Variants in ADAMTS20 observed in about 807,000 individuals in gnomAD.
ADAMTS20 encodes the protein A disintegrin and metalloproteinase with thrombospondin motifs 20.
In ADAMTS20, 225 loss-of-function variants were observed where a neutral mutation model predicts 260.1. That is an observed-to-expected ratio of 0.87 (90% CI 0.78 to 0.97). The LOEUF (loss-of-function observed/expected upper bound fraction) is 0.97, where lower values mean the gene tolerates loss of function less well. Among genes scored for constraint, ADAMTS20 ranks in the 50% least tolerant of loss-of-function variants. The pLI, the probability that ADAMTS20 is intolerant of heterozygous loss-of-function variation, is 0.00. For missense variants in ADAMTS20, 2,400 were observed against 2,337.7 expected (o/e 1.03, Z -0.55); for synonymous variants, 802 against 769.5 (o/e 1.04, Z -0.70).
chr12:43,531,313 T>C (rs1009326518), intron 3 of ADAMTS20, among the ~76,000 whole-genome samples: 6 of 151,548 alleles, frequency 4.0e-5, no homozygotes, highest in African/African-American at 1.5e-4. Flanking sequence ...GGTTCAGGAA[T>C]TTTTTTTTCA....
chr12:43,435,973 T>C (rs1393861068), intron 18 of ADAMTS20, among the ~76,000 whole-genome samples: 1 of 152,192 alleles, frequency 6.6e-6, no homozygotes, highest in East Asian at 1.9e-4. Context: ...AGTTCAACTT[T>C]GTGCTTCCAG....
intron 4 of ADAMTS20, among the ~76,000 whole-genome samples, chr12:43,499,041 C>A (rs567072177): frequency 6.6e-6 from 1 of 152,102 alleles, no homozygotes; most frequent in Non-Finnish European, 1.5e-5. Flanking sequence ...AAGCACTAAA[C>A]CCAGGTAGCT....
At chr12:43,369,440 A>G (rs1940059752) in intron 36 of ADAMTS20, 59 bp from the exon 37 acceptor site, 1 of 982,444 alleles carries the variant, frequency 1.0e-6, no homozygotes, top group East Asian at 3.3e-5. Flanking sequence ...CGTTGTTGTC[A>G]AACACAGAGT....
At position 43,428,292 on chromosome 12, in the gene ADAMTS20, C is replaced by T. The variant is rs1434174383; in HGVS notation, c.3894G>A (p.Val1298=). 2 of 1,613,796 alleles carry T rather than the reference C, an allele frequency of 1.2e-6. No homozygotes were observed. Among genetic ancestry groups the T allele is most frequent in the South Asian group, 1.1e-5 (1 of 91,086 alleles). The part of the protein sequence containing the change: ...TQKLEDNENQ[V]VHPSVRGNQW... The stretch of plus-strand genomic sequence containing the variant: ...GGTTTCCTCTGACTGATGGATGGAC[C>T]ACCTGATTTTCATTATCTTCAAGTT... Residue 1298 remains valine (V), a synonymous_variant, in exon 26 of 39, where the codon GTG becomes GTA. Coordinates refer to ENST00000389420, the MANE Select transcript of ADAMTS20 (RefSeq NM_025003.5).
chr12:43,427,768 A>C (rs1941361064), intron 26 of ADAMTS20, among the ~76,000 whole-genome samples: 2 of 152,216 alleles, frequency 1.3e-5, no homozygotes, highest in South Asian at 4.1e-4. Flanking sequence ...TCTCACTAGA[A>C]AGGAATAAAA....
chr12:43,451,514 C>A (rs976246179), intron 14 of ADAMTS20, among the ~76,000 whole-genome samples: 1 of 152,080 alleles, frequency 6.6e-6, no homozygotes. Flanking sequence ...CATTTGACAA[C>A]CATCTGCTAG....
rs147222338 is a variant in ADAMTS20, at chr12:43,530,175, C to CA, written c.613+1860dup. ...AAATCTTTAGTATAAAACTGTTTAACAAAAAAAAAGCCTAGCTTTCCTTGA... is the reference window on the plus strand; with the variant it reads ...AAATCTTTAGTATAAAACTGTTTAACAAAAAAAAAAGCCTAGCTTTCCTTGA... On this transcript the variant is annotated intron_variant, in intron 3 of 38. Transcript: ENST00000389420. Among the ~76,000 whole-genome samples, 1,083 of 150,058 alleles carry CA rather than the reference C, an allele frequency of 7.2e-3. 18 individuals carry two copies. Among genetic ancestry groups the CA allele is most frequent in the Middle Eastern group, 0.025 (7 of 282 alleles).
At chr12:43,410,717 T>C (rs899236397) in intron 28 of ADAMTS20, among the ~76,000 whole-genome samples, 1 of 152,202 alleles carries the variant, frequency 6.6e-6, no homozygotes, top group African/African-American at 2.4e-5. Context: ...GAGGAAAGAC[T>C]TGGATTTCTG....
chr12:43,523,454 C>T (rs139520336), intron 3 of ADAMTS20, among the ~76,000 whole-genome samples: 2,867 of 151,992 alleles, frequency 0.019, 46 homozygotes, highest in Non-Finnish European at 0.031. Flanking sequence ...TTGGCCAGAA[C>T]CAGGTGGGGG....
At chr12:43,375,273 G>T in intron 36 of ADAMTS20, 106 bp downstream of exon 36, 12 of 1,149,354 alleles carry the variant, frequency 1.0e-5, no homozygotes, top group Admixed American at 3.1e-5. Context: ...TTTGCACAAT[G>T]TCAGGTCCTT....
At chr12:43,413,211 A>C (rs1477100426) in intron 28 of ADAMTS20, among the ~76,000 whole-genome samples, 2 of 152,160 alleles carry the variant, frequency 1.3e-5, no homozygotes, top group Non-Finnish European at 2.9e-5. Context: ...TTTACACATG[A>C]TCATTCACAC....
At chr12:43,421,180 T>C (rs558993655) in intron 28 of ADAMTS20, among the ~76,000 whole-genome samples, 44 of 151,776 alleles carry the variant, frequency 2.9e-4, no homozygotes, top group African/African-American at 8.2e-4. Flanking sequence ...TAGTACAGTA[T>C]ATATTTTTTT....
In ADAMTS20 at chr12:43,399,213, T is replaced by A; in HGVS notation, c.4305A>T (p.Lys1435Asn). ...AAAACACTTCACGGTACTTTCTACC[T>A]TTACCACAAGAAGCTGAGCACTAGA... ...PWTSCSASCG[K>N]GRKYREVFCI... The change falls in exon 29 of 39, where the codon AAA becomes AAT. Residue 1435 changes from lysine to asparagine, a missense_variant. By Grantham distance (94) the Lys-to-Asn change is moderately conservative. Transcript: ENST00000389420. 3.2e-6 allele frequency: 5 copies of A among 1,545,620 alleles called. No homozygotes were observed. The highest frequency in any genetic ancestry group is 1.7e-6 in the Non-Finnish European group (2 of 1,147,794).
intron 3 of ADAMTS20, among the ~76,000 whole-genome samples, chr12:43,527,781 G>GT (rs1437531729): frequency 6.6e-6 from 1 of 151,972 alleles, no homozygotes; most frequent in Non-Finnish European, 1.5e-5. Flanking sequence ...CTGGAACAAG[G>GT]CAAGGAGGCC....
At position 43,502,209 on chromosome 12, in the gene ADAMTS20, T is replaced by C. The variant is rs149705052; in HGVS notation, c.810A>G (p.Lys270=). 2.1e-4 allele frequency: 344 copies of C among 1,610,788 alleles called. No individual in the cohort carries two copies. Among genetic ancestry groups the C allele is most frequent in the Non-Finnish European group, 2.7e-4 (318 of 1,178,710 alleles). The change falls in exon 4 of 39, where the codon AAA becomes AAG. Residue 270 remains lysine, a synonymous_variant. Coordinates refer to ENST00000389420, the MANE Select transcript of ADAMTS20 (RefSeq NM_025003.5). ...AATTCGATCCATGAGCAGAAACCACTTTAGCATCAGCTGTAACCATAATTT... is the reference window on the plus strand; with the variant it reads ...AATTCGATCCATGAGCAGAAACCACCTTAGCATCAGCTGTAACCATAATTT... ...YIEIMVTADA[K]VVSAHGSNLQ... is the part of the protein sequence containing the mutation.
At chr12:43,427,263 C>T (rs1941350352) in intron 27 of ADAMTS20, 45 bp downstream of exon 27, 4 of 1,587,400 alleles carry the variant, frequency 2.5e-6, no homozygotes, top group Middle Eastern at 1.7e-4. Context: ...TTTCAGTCTT[C>T]AGAGATGTAA....
intron 7 of ADAMTS20, among the ~76,000 whole-genome samples, chr12:43,480,315 T>C (rs1942422173): frequency 6.6e-6 from 1 of 152,030 alleles, no homozygotes; most frequent in African/African-American, 2.4e-5. Context: ...AATCTAGCAG[T>C]GTGTGGGGGG....
At position 43,369,282 on chromosome 12, in the gene ADAMTS20, T is replaced by C. The variant is rs766283216; in HGVS notation, c.5538+8A>G. On this transcript the variant is annotated splice_region_variant and intron_variant, in intron 37 of 38. Transcript: ENST00000389420. ...AGAAAGAAAATTAATCAAACAAATA[T>C]GAAATACCTGTGGGCATCTGAAAGC... 3 of 1,476,328 alleles carry C rather than the reference T, an allele frequency of 2.0e-6. No individual in the cohort carries two copies. The highest frequency in any genetic ancestry group is 1.5e-5 in the South Asian group (1 of 68,316). 91.5% of individuals were successfully genotyped at this position (1,476,328 alleles called of 1,614,324 possible).
intron 7 of ADAMTS20, among the ~76,000 whole-genome samples, chr12:43,474,140 A>T (rs541371482): frequency 3.3e-5 from 5 of 150,890 alleles, no homozygotes; most frequent in African/African-American, 1.2e-4. Context: ...GACACAATAA[A>T]AAATGATAAA....
Sources: allele counts gnomAD v4.1 joint callset (sites outside exome capture counted in the v4.1 genomes callset), GRCh38; gene constraint gnomAD v4.1.1; transcripts MANE v1.5; gene names NCBI Gene and HGNC (gene_info 2026-07-23, HGNC 2026-07-21).